Variants in CSMD2 observed in about 807,000 individuals in gnomAD.
The protein encoded by CSMD2 is CUB and sushi domain-containing protein 2.
Under a neutral mutation model 398.5 loss-of-function variants are expected in CSMD2, and 130 were observed. The observed-to-expected ratio is 0.33, with a 90% CI of 0.28 to 0.38. The LOEUF is 0.38. Among genes scored for constraint, CSMD2 ranks in the 10% least tolerant of loss-of-function variants. The pLI, the probability that CSMD2 is intolerant of heterozygous loss-of-function variation, is 1.00. For synonymous variants in CSMD2, 1,828 were observed against 1,908.5 expected (o/e 0.96, Z 1.10); for missense variants, 3,829 against 4,764.9 (o/e 0.80, Z 5.78).
intron 1 of CSMD2, among the ~76,000 whole-genome samples, chr1:34,106,093 C>A (rs1429809899): frequency 1.3e-5 from 2 of 151,846 alleles, no homozygotes; most frequent in Non-Finnish European, 2.9e-5. Context: ...TGTTAATGGG[C>A]AGTAGGGAGT....
rs1353077473 is a variant in CSMD2 at position 33,524,987 on chromosome 1, C to T, written c.10291G>A (p.Gly3431Arg). 2 of 1,614,230 alleles carry T rather than the reference C, an allele frequency of 1.2e-6. No homozygotes were observed. Among genetic ancestry groups the T allele is most frequent in the Non-Finnish European group, 1.7e-6 (2 of 1,180,036 alleles). Residue 3431 changes from glycine to arginine, a missense_variant, in exon 66 of 71, where the codon GGG (glycine) becomes AGG (arginine). Transcript: ENST00000373381. Reference sequence around the variant, plus strand: ...CTGAGCATGGCTGGCTGCTTCTTCCCCTGGTATTCATAGGCCCCTTTCCAC... The same window carrying T: ...CTGAGCATGGCTGGCTGCTTCTTCCTCTGGTATTCATAGGCCCCTTTCCAC... Reference protein sequence around the residue: ...SLWKGAYEYQGKKQPAMLRVT... With the variant: ...SLWKGAYEYQRKKQPAMLRVT...
intron 1 of CSMD2, among the ~76,000 whole-genome samples, chr1:34,150,079 C>CTT (rs772520303): frequency 7.2e-5 from 10 of 138,132 alleles, no homozygotes; most frequent in African/African-American, 1.9e-4. Context: ...TTTCTTCTTT[C>CTT]TTTTTTTTTT....
intron 1 of CSMD2, among the ~76,000 whole-genome samples, chr1:34,151,678 G>A (rs1299529070): frequency 1.3e-5 from 2 of 152,148 alleles, no homozygotes; most frequent in African/African-American, 2.4e-5. Context: ...CCTGGACAAG[G>A]TAGAAGATAG....
intron 6 of CSMD2, among the ~76,000 whole-genome samples, chr1:33,829,814 G>A (rs531538230): frequency 1.9e-4 from 28 of 150,970 alleles, no homozygotes; most frequent in African/African-American, 5.1e-4. Context: ...CGAATACTGC[G>A]CTTTTCCAAC....
intron 49 of CSMD2, among the ~76,000 whole-genome samples, chr1:33,574,156 T>G (rs1187405230): frequency 6.6e-6 from 1 of 152,150 alleles, no homozygotes; most frequent in African/African-American, 2.4e-5. Context: ...GGAATTTACT[T>G]AAGGATATAC....
intron 9 of CSMD2, 146 bp from the exon 10 acceptor site, chr1:33,811,010 G>T: frequency 1.2e-6 from 1 of 836,522 alleles, no homozygotes; most frequent in Admixed American, 3.3e-5. Flanking sequence ...TTCCTCTACA[G>T]TTCTTGGGAG....
intron 46 of CSMD2, among the ~76,000 whole-genome samples, chr1:33,585,882 G>A (rs1442434189): frequency 6.6e-6 from 1 of 152,164 alleles, no homozygotes; most frequent in African/African-American, 2.4e-5. Context: ...ACTGGTTTAT[G>A]TTATTAACCC....
At chr1:33,644,224 A>T (rs1469417299) in intron 29 of CSMD2, among the ~76,000 whole-genome samples, 1 of 152,174 alleles carries the variant, frequency 6.6e-6, no homozygotes, top group Non-Finnish European at 1.5e-5. Flanking sequence ...CTTCACTGGG[A>T]AAGAGGTTTT....
At chr1:33,902,173 A>T (rs915593835) in intron 5 of CSMD2, among the ~76,000 whole-genome samples, 2 of 152,136 alleles carry the variant, frequency 1.3e-5, no homozygotes. Context: ...GAAACACAGG[A>T]TAAGTCCTAG....
chr1:33,606,445 A>T (rs956173566), intron 41 of CSMD2, among the ~76,000 whole-genome samples: 3 of 152,192 alleles, frequency 2.0e-5, no homozygotes, highest in Non-Finnish European at 2.9e-5. Context: ...TCAGTACCTC[A>T]CAGGGAAGTC....
chr1:33,887,137 C>T (rs1641653977), intron 5 of CSMD2, among the ~76,000 whole-genome samples: 1 of 151,642 alleles, frequency 6.6e-6, no homozygotes, highest in Non-Finnish European at 1.5e-5. Context: ...CATACTGTGG[C>T]AGTGTAAAAT....
chr1:34,058,758 C>A (rs892971360), intron 2 of CSMD2, among the ~76,000 whole-genome samples: 4 of 152,196 alleles, frequency 2.6e-5, no homozygotes, highest in Non-Finnish European at 5.9e-5. Context: ...TTTATTAGGG[C>A]TGGTCAGCCC....
At chr1:33,933,248 A>G (rs1644367387) in intron 4 of CSMD2, among the ~76,000 whole-genome samples, 1 of 152,234 alleles carries the variant, frequency 6.6e-6, no homozygotes, top group South Asian at 2.1e-4. Context: ...TTGGCAGAGC[A>G]GAAGCAGGGG....
chr1:33,816,410 G>A (rs1353398027), intron 9 of CSMD2, among the ~76,000 whole-genome samples: 4 of 152,086 alleles, frequency 2.6e-5, no homozygotes, highest in African/African-American at 4.8e-5. Context: ...GTTCCCTGGG[G>A]CCCCAGGGGT....
intron 2 of CSMD2, among the ~76,000 whole-genome samples, chr1:34,081,524 T>C (rs1657123682): frequency 2.0e-5 from 3 of 152,074 alleles, no homozygotes; most frequent in African/African-American, 7.2e-5. Context: ...CCCTGCCTGA[T>C]TCTCCTGCCT....
chr1:34,052,005 C>G (rs1207086074), intron 2 of CSMD2, among the ~76,000 whole-genome samples: 1 of 152,064 alleles, frequency 6.6e-6, no homozygotes, highest in Admixed American at 6.6e-5. Flanking sequence ...AGAAGGTACT[C>G]TCTCTGACTG....
At chr1:33,800,776 G>A (rs905884944) in intron 10 of CSMD2, among the ~76,000 whole-genome samples, 1 of 152,162 alleles carries the variant, frequency 6.6e-6, no homozygotes, top group African/African-American at 2.4e-5. Flanking sequence ...TCTGGGCGAG[G>A]GGAAATGCCA....
At chr1:33,788,526 A>ATT in intron 12 of CSMD2, 74 bp downstream of exon 12, 1 of 856,892 alleles carries the variant, frequency 1.2e-6, no homozygotes. Flanking sequence ...AAAAAAAAAA[A>ATT]ATTCTGACTG....
chr1:34,040,468 G>A (rs1015981913), intron 2 of CSMD2, among the ~76,000 whole-genome samples: 2 of 152,122 alleles, frequency 1.3e-5, no homozygotes, highest in African/African-American at 2.4e-5. Context: ...GTTTATTGGG[G>A]TGAGTAGTTT....
Sources: gnomAD v4.1 joint callset for allele counts (sites outside exome capture counted in the v4.1 genomes callset) on GRCh38, gnomAD v4.1.1 for gene constraint, MANE v1.5 for transcripts, NCBI Gene and HGNC (gene_info 2026-07-23, HGNC 2026-07-21) for gene names.